The following MGST1 variants were observed in gnomAD, a reference collection of about 807,000 sequenced individuals.
MGST1 encodes the protein glutathione S-transferase 12.
MGST1 carries 5 observed loss-of-function variants against 8.9 expected under a neutral mutation model. The ratio of observed to expected loss-of-function variants is 0.56; its 90% CI spans 0.29 to 1.19. MGST1 has a LOEUF of 1.19. MGST1 is among the 50% of genes most tolerant of loss of function. The probability of loss-of-function intolerance (pLI) is 0.08; values close to 1 mark genes in which losing one functional copy is unlikely to be tolerated. For synonymous variants in MGST1, 54 were observed against 67.8 expected (o/e 0.80, Z 1.00); for missense variants, 182 against 187.4 (o/e 0.97, Z 0.17).
intron 4 of MGST1, among the ~76,000 whole-genome samples, chr12:16,471,512 ACACT>A (rs570937910): frequency 2.6e-5 from 4 of 152,206 alleles, no homozygotes; most frequent in Non-Finnish European, 5.9e-5. Flanking sequence ...TATGGGACTA[ACACT>A]CAGGTTTTTA....
At chr12:16,422,773 T>G (rs1940849836) in intron 1 of MGST1, among the ~76,000 whole-genome samples, 1 of 152,202 alleles carries the variant, frequency 6.6e-6, no homozygotes, top group Non-Finnish European at 1.5e-5. Context: ...ACAATGCTTT[T>G]CTGGTTACCT....
downstream of MGST1, among the ~76,000 whole-genome samples, chr12:16,365,328 G>A (rs1388416874): frequency 1.3e-5 from 2 of 151,968 alleles, no homozygotes; most frequent in East Asian, 3.9e-4. Context: ...TAAAATATCA[G>A]TTTTTTCTTG....
At chr12:16,498,144 C>T (rs116097984) in intron 4 of MGST1, among the ~76,000 whole-genome samples, 206 of 152,188 alleles carry the variant, frequency 1.4e-3, no homozygotes, top group African/African-American at 4.4e-3. Context: ...AACACTACTT[C>T]GAGTGTACTT....
chr12:16,384,622 G>A (rs1283948874), intron 1 of MGST1, among the ~76,000 whole-genome samples: 1 of 152,228 alleles, frequency 6.6e-6, no homozygotes, highest in Non-Finnish European at 1.5e-5. Flanking sequence ...TATGTTTTAA[G>A]CCGCTAAGTT....
In MGST1 at chr12:16,401,892, T is replaced by C. The variant is rs1940658817; in HGVS notation, n.778+18288T>C. 1 of 1,602,610 alleles carries C rather than the reference T, an allele frequency of 6.2e-7. No homozygotes were observed. Reference sequence around the variant, plus strand: ...TTTCTTCATTAATTTGAGCTCCCCATCCTCCCTTACAGCGACTGTATATGC... The same window carrying C: ...TTTCTTCATTAATTTGAGCTCCCCACCCTCCCTTACAGCGACTGTATATGC... On this transcript the variant is annotated intron_variant and non_coding_transcript_variant, in intron 1 of 1. Transcript: ENST00000359720. This position sits in a 1 kb window ranked among gnomAD's most constrained non-coding sequence, Gnocchi z 4.3.
At position 16,362,045 on chromosome 12, in the gene MGST1, T is replaced by A. The variant is rs1303598044; in HGVS notation, c.222-1750T>A. ...AGAGAGTCTCCTTTTTATAGTTTCT[T>A]CCTCAACCTTAAAATGTCTGTCCTT... On this transcript the variant is annotated intron_variant, in intron 3 of 3. Transcript: ENST00000396210. The surrounding 1 kb of genome is among the most constrained non-coding windows in gnomAD (Gnocchi z 4.4). Among the ~76,000 whole-genome samples, 3 of 152,164 alleles carry A rather than the reference T, an allele frequency of 2.0e-5. No homozygotes were observed. Among genetic ancestry groups the A allele is most frequent in the African/African-American group, 4.8e-5 (2 of 41,432 alleles).
chr12:16,455,085 A>G (rs1941162605), intron 4 of MGST1, among the ~76,000 whole-genome samples: 1 of 151,874 alleles, frequency 6.6e-6, no homozygotes, highest in Non-Finnish European at 1.5e-5. Flanking sequence ...AAAAATGAAA[A>G]CTTTGGAATT....
In MGST1 at chr12:16,537,007, C is replaced by T. The variant is rs1941760402; in HGVS notation, n.483-52521C>T. On this transcript the variant is annotated intron_variant and non_coding_transcript_variant, in intron 4 of 4. Transcript: ENST00000538857. This position sits in a 1 kb window ranked among gnomAD's most constrained non-coding sequence, Gnocchi z 4.6. ...AAGGCTGAACTCATTTTGGCATTAA[C>T]CCAAAAGTCCACAGTCCAAAGTCTC... 6.6e-6 allele frequency among the ~76,000 whole-genome samples: 1 copy of T among 152,156 alleles called. No homozygotes were observed. The highest frequency in any genetic ancestry group is 2.4e-5 in the African/African-American group (1 of 41,414).
chr12:16,439,436 TG>T (rs372359017), downstream of MGST1, among the ~76,000 whole-genome samples: 15 of 151,984 alleles, frequency 9.9e-5, no homozygotes, highest in East Asian at 2.9e-3. Flanking sequence ...ACTCTAATTA[TG>T]TTTAATTCAA....
downstream of MGST1, among the ~76,000 whole-genome samples, chr12:16,381,100 C>T (rs1046635167): frequency 3.9e-5 from 6 of 152,252 alleles, no homozygotes; most frequent in Middle Eastern, 3.4e-3. Context: ...TCCAATTTGC[C>T]GGTCTGTGTC....
intron 4 of MGST1, among the ~76,000 whole-genome samples, chr12:16,528,012 C>G (rs975753992): frequency 1.3e-5 from 2 of 151,928 alleles, no homozygotes; most frequent in African/African-American, 4.8e-5. Context: ...ATGTTTAAAT[C>G]CAGATCTGTT....
intron 1 of MGST1, among the ~76,000 whole-genome samples, chr12:16,395,693 C>T (rs1940597599): frequency 6.6e-6 from 1 of 150,606 alleles, no homozygotes; most frequent in African/African-American, 2.4e-5. Context: ...TCCCGAGTTA[C>T]TTCACTTAGA....
At chr12:16,494,306 A>G (rs1338776227) in intron 4 of MGST1, among the ~76,000 whole-genome samples, 2 of 152,248 alleles carry the variant, frequency 1.3e-5, no homozygotes, top group East Asian at 3.9e-4. Flanking sequence ...ATGCATGTTG[A>G]TGATTTGGCA....
At chr12:16,524,894 GCTT>G in intron 4 of MGST1, among the ~76,000 whole-genome samples, 1 of 151,970 alleles carries the variant, frequency 6.6e-6, no homozygotes, top group East Asian at 1.9e-4. Context: ...AATTTATTGA[GCTT>G]CTGTTAACAT....
chr12:16,376,017 C>A, intron 3 of MGST1: 4 of 729,954 alleles, frequency 5.5e-6, no homozygotes, highest in Non-Finnish European at 5.9e-6. Context: ...CCTATATGTA[C>A]ACACACAGAT....
chr12:16,490,010 C>T (rs564320821), intron 4 of MGST1, among the ~76,000 whole-genome samples: 1 of 152,212 alleles, frequency 6.6e-6, no homozygotes, highest in South Asian at 2.1e-4. Context: ...TGTCTATAAT[C>T]CCAGCACTTT....
chr12:16,402,359 C>A lies in MGST1; in HGVS notation n.778+18755C>A, dbSNP rs1034430562. The A allele has an allele frequency of 5.6e-6, 9 of 1,603,210 alleles. No homozygotes were observed. The African/African-American group carries it at 1.1e-4, about 19-fold the overall frequency. ...GGCATACTCATCTTCTCCTTTCTGC[C>A]AATTGCTGTACAGTCTCTTCACTCA... On this transcript the variant is annotated intron_variant and non_coding_transcript_variant, in intron 1 of 1. Transcript: ENST00000359720.
At chr12:16,434,170 A>T (rs1049405597) in intron 1 of MGST1, among the ~76,000 whole-genome samples, 2 of 152,108 alleles carry the variant, frequency 1.3e-5, no homozygotes. Context: ...AACAAGATAA[A>T]TATTGGATGA....
chr12:16,501,232 C>T (rs773131749), intron 4 of MGST1, among the ~76,000 whole-genome samples: 5 of 152,074 alleles, frequency 3.3e-5, no homozygotes, highest in Admixed American at 6.6e-5. Context: ...TAATAGCAGC[C>T]GTTTAGGAGT....
Sources: gnomAD v4.1 joint callset for allele counts (sites outside exome capture counted in the v4.1 genomes callset) on GRCh38, gnomAD v4.1.1 for gene constraint, Gnocchi (gnomAD v3.1) non-coding constraint, MANE v1.5 for transcripts, NCBI Gene and HGNC (gene_info 2026-07-23, HGNC 2026-07-21) for gene names.